HPSE: variants seen among roughly 807,000 people sequenced by gnomAD.
HPSE encodes the protein endo-glucoronidase.
Under a neutral mutation model 65.1 loss-of-function variants are expected in HPSE, and 48 were observed. The ratio of observed to expected loss-of-function variants is 0.74; its 90% confidence interval spans 0.58 to 0.94. HPSE has a LOEUF of 0.94. HPSE is among the 40% of genes least tolerant of loss of function. HPSE has a pLI of 0.00. For missense variants in HPSE, 644 were observed against 637.5 expected, an observed-to-expected ratio of 1.01 and a Z score of -0.11; for synonymous variants, 243 against 260.0, an observed-to-expected ratio of 0.93 and a Z score of 0.63.
chr4:83,317,287 G>A (rs901260005), intron 3 of HPSE, among the ~76,000 whole-genome samples: 1 of 152,082 alleles, frequency 6.6e-6, no homozygotes, highest in Non-Finnish European at 1.5e-5. Context: ...TTCTTTTGTG[G>A]TATGTCCCCA....
intron 11 of HPSE, among the ~76,000 whole-genome samples, chr4:83,298,969 G>A (rs1372584633): frequency 6.6e-6 from 1 of 152,094 alleles, no homozygotes. Flanking sequence ...AAAGACAGAA[G>A]AGTGTAAGTA....
At chr4:83,324,916 T>C (rs1737082949) in intron 1 of HPSE, among the ~76,000 whole-genome samples, 2 of 152,182 alleles carry the variant, frequency 1.3e-5, no homozygotes, top group South Asian at 4.1e-4. Context: ...CAAGATTTTA[T>C]GTTTTGCGCA....
At chr4:83,334,088 A>G (rs913357067) in intron 1 of HPSE, among the ~76,000 whole-genome samples, 1 of 152,156 alleles carries the variant, frequency 6.6e-6, no homozygotes, top group African/African-American at 2.4e-5. Context: ...GGTGGTGCCT[A>G]TTCAACACTT....
At position 83,295,251 on chromosome 4, in the gene HPSE, T is replaced by A; in HGVS notation, c.*93A>T. On this transcript the variant is annotated 3_prime_UTR_variant, in exon 12 of 12. Transcript: ENST00000311412. ...TGTCTCTCAAGCACCCACTAGTTGCTTTGCAAGGTATCTGCTTCCTTTCCT... is the reference window on the plus strand; with the variant it reads ...TGTCTCTCAAGCACCCACTAGTTGCATTGCAAGGTATCTGCTTCCTTTCCT... 1 of 1,106,946 alleles carries A rather than the reference T, an allele frequency of 9.0e-7. No homozygotes were observed. The highest frequency in any genetic ancestry group is 2.4e-5 in the East Asian group (1 of 41,802). The allele number at this position is 1,106,946 out of a possible 1,614,324, so 68.6% of individuals were successfully genotyped here. A position where few individuals can be genotyped will look rare whatever the true frequency, so the allele number is the denominator to read the frequency against.
Position 83,302,132 on chromosome 4 carries a change from G to A in HPSE, c.1325+18C>T. 1 of 1,507,694 alleles carries A rather than the reference G, an allele frequency of 6.6e-7. No individual in the cohort carries two copies. The highest frequency in any genetic ancestry group is 9.2e-7 in the Non-Finnish European group (1 of 1,083,526). The allele number at this position is 1,507,694 out of a possible 1,614,324, so 93.4% of individuals were successfully genotyped here. A position where few individuals can be genotyped will look rare whatever the true frequency, so the allele number is the denominator to read the frequency against. On this transcript the variant is annotated intron_variant, in intron 10 of 11. Transcript: ENST00000311412. ...CACTAAAACTTGATGATTGGTAAAG[G>A]GTGTGTTTCATACTTACTTGTCAGT...
chr4:83,334,120 G>A lies in HPSE; in HGVS notation c.227+436C>T, dbSNP rs116605014. On this transcript the variant is annotated intron_variant, in intron 1 of 11. Transcript: ENST00000311412. Reference sequence around the variant, plus strand: ...ACTTACAGAATGAATGAAACAAAAAGGCTCATTTAGAGTGGGCGCTAAACA... The same window carrying A: ...ACTTACAGAATGAATGAAACAAAAAAGCTCATTTAGAGTGGGCGCTAAACA... Among the ~76,000 whole-genome samples the A allele has an allele frequency of 9.0e-3, 1,374 of 152,266 alleles. 22 individuals carry two copies. Among genetic ancestry groups the A allele is most frequent in the African/African-American group, 0.031 (1,290 of 41,530 alleles).
rs1325720079 is a variant in HPSE, at chr4:83,308,854, G to A, written c.1082C>T (p.Ala361Val). ...GCGCTGCTTCACTCACATAAAGCCA[G>A]CTGCAAAGGTGTCGGATAGCAAGGG... The part of the protein sequence containing the change: ...GAPLLSDTFA[A>V]GFMWLDKLGL... The change falls in exon 8 of 12, where the codon GCT (alanine) becomes GTT (valine). Residue 361 changes from alanine to valine, a missense_variant. Ala to Val is a moderately conservative substitution (Grantham distance 64). Transcript: ENST00000311412. 6.2e-7 allele frequency: 1 copy of A among 1,613,208 alleles called. No individual in the cohort carries two copies. The highest frequency in any genetic ancestry group is 8.5e-7 in the Non-Finnish European group (1 of 1,179,472).
At chr4:83,296,336 G>A (rs1265796558) in intron 11 of HPSE, among the ~76,000 whole-genome samples, 1 of 152,070 alleles carries the variant, frequency 6.6e-6, no homozygotes, top group Non-Finnish European at 1.5e-5. Flanking sequence ...TCTCAAATAT[G>A]TTTTATATTG....
intron 11 of HPSE, among the ~76,000 whole-genome samples, chr4:83,299,412 G>C (rs983615435): frequency 2.0e-5 from 3 of 148,590 alleles, no homozygotes; most frequent in African/African-American, 7.5e-5. Context: ...AATGTCTACA[G>C]AGGCTATGTT....
At position 83,315,480 on chromosome 4, in the gene HPSE, G is replaced by A. The variant is rs1578017104; in HGVS notation, c.500-2193C>T. 2.0e-5 allele frequency among the ~76,000 whole-genome samples: 3 copies of A among 152,218 alleles called. No individual in the cohort carries two copies. In the East Asian group the frequency reaches 5.8e-4, roughly 29 times the overall value. ...GTAAGTCTTTGCCCAATATCACGCAGCCGTTTGGTGGCAGTACCATTACTA... is the reference window on the plus strand; with the variant it reads ...GTAAGTCTTTGCCCAATATCACGCAACCGTTTGGTGGCAGTACCATTACTA... On this transcript the variant is annotated intron_variant, in intron 3 of 11. Transcript: ENST00000311412.
At chr4:83,334,368 A>G (rs370071995) in intron 1 of HPSE, among the ~76,000 whole-genome samples, 188 bp downstream of exon 1, 2 of 152,038 alleles carry the variant, frequency 1.3e-5, no homozygotes, top group East Asian at 3.9e-4. Flanking sequence ...CCCCCCAAAA[A>G]GCAGTTTGGG....
In HPSE at chr4:83,313,269, A is replaced by C. The variant is rs899153378; in HGVS notation, c.518T>G (p.Leu173Arg). 6.2e-7 allele frequency: 1 copy of C among 1,613,254 alleles called. No individual in the cohort carries two copies. Among genetic ancestry groups the C allele is most frequent in the African/African-American group, 1.3e-5 (1 of 74,898 alleles). The change falls in exon 4 of 12, where the codon CTA becomes CGA. Residue 173 changes from leucine to arginine, a missense_variant. Transcript: ENST00000311412. ...STYSRSSVDV[L>R]YTFANCSGLD... Reference sequence around the variant, plus strand: ...TCCTGAGCAGTTTGCAAAAGTGTATAGCACATCTACAGAGCTTCCTAAAAG... The same window carrying C: ...TCCTGAGCAGTTTGCAAAAGTGTATCGCACATCTACAGAGCTTCCTAAAAG...
In HPSE at chr4:83,295,387, C is replaced by G. The variant is rs1316904197; in HGVS notation, c.1589G>C (p.Ser530Thr). Reference protein sequence around the residue: ...SSLGLPAFSYSFFVIRNAKVA... With the variant: ...SSLGLPAFSYTFFVIRNAKVA... ...TTTGGCATTTCTTATCACAAAAAAACTATATGAGAAAGCTGGCAAGCCCAG... is the reference window on the plus strand; with the variant it reads ...TTTGGCATTTCTTATCACAAAAAAAGTATATGAGAAAGCTGGCAAGCCCAG... The change falls in exon 12 of 12, where the codon AGT becomes ACT. Residue 530 changes from serine (S) to threonine (T), a missense_variant. Ser to Thr is a moderately conservative substitution (Grantham distance 58). Coordinates refer to ENST00000311412, the MANE Select transcript of HPSE (RefSeq NM_001098540.3). 4 of 1,611,874 alleles carry G rather than the reference C, an allele frequency of 2.5e-6. No homozygotes were observed. The highest frequency in any genetic ancestry group is 3.4e-6 in the Non-Finnish European group (4 of 1,178,790).
chr4:83,329,519 G>T (rs1488177084), intron 1 of HPSE, among the ~76,000 whole-genome samples: 1 of 152,158 alleles, frequency 6.6e-6, no homozygotes, highest in Non-Finnish European at 1.5e-5. Context: ...AAATTGTTAT[G>T]ATGGGTGCTA....
intron 5 of HPSE, among the ~76,000 whole-genome samples, 166 bp from the exon 6 acceptor site, chr4:83,310,244 C>T (rs1235712183): frequency 6.6e-6 from 1 of 152,184 alleles, no homozygotes; most frequent in Non-Finnish European, 1.5e-5. Context: ...ACATTTGCCT[C>T]AGATCCCTTG....
At chr4:83,313,679 AT>A (rs1319374607) in intron 3 of HPSE, among the ~76,000 whole-genome samples, 3 of 152,212 alleles carry the variant, frequency 2.0e-5, no homozygotes, top group African/African-American at 4.8e-5. Flanking sequence ...CAGTTAAAAA[AT>A]ATTTTGATAA....
intron 1 of HPSE, among the ~76,000 whole-genome samples, chr4:83,329,466 A>G (rs181521061): frequency 2.0e-5 from 3 of 152,274 alleles, no homozygotes; most frequent in East Asian, 1.9e-4. Context: ...TCAGATATGG[A>G]AGAAGTAGAG....
At chr4:83,334,973 A>C, upstream of HPSE, 2 of 861,270 alleles carry the variant, frequency 2.3e-6, no homozygotes, top group South Asian at 2.4e-5. Context: ...CTCCCAATCC[A>C]ACCCCGCCCC....
chr4:83,305,494 C>T (rs1272788629), intron 9 of HPSE, among the ~76,000 whole-genome samples: 1 of 152,156 alleles, frequency 6.6e-6, no homozygotes, highest in Admixed American at 6.5e-5. Context: ...TCTTAGCTTT[C>T]CTACAACATT....
Sources: gnomAD v4.1 joint callset for allele counts (sites outside exome capture counted in the v4.1 genomes callset) on GRCh38, gnomAD v4.1.1 for gene constraint, MANE v1.5 for transcripts, NCBI Gene and HGNC (gene_info 2026-07-23, HGNC 2026-07-21) for gene names.